Variants in MCFD2 observed in about 807,000 individuals in gnomAD.
MCFD2 encodes multiple coagulation factor deficiency protein 2.
In MCFD2, 11 loss-of-function variants were observed where a neutral mutation model predicts 12.8. The ratio of observed to expected loss-of-function variants is 0.86; its 90% CI spans 0.54 to 1.42. The LOEUF is 1.42. Ranked by LOEUF, MCFD2 falls within the 40% of genes most tolerant of loss-of-function variation. MCFD2 has a pLI of 0.00. For synonymous variants in MCFD2, 70 were observed against 68.1 expected (o/e 1.03, Z -0.14); for missense variants, 191 against 178.6 (o/e 1.07, Z -0.40).
chr2:46,916,155 C>A, upstream of MCFD2: 1 of 985,518 alleles, frequency 1.0e-6, no homozygotes, highest in Non-Finnish European at 1.2e-6. Context: ...TCCGCTCACC[C>A]CCTCCTATAC....
chr2:46,909,899 G>C (rs142550809), intron 1 of MCFD2, among the ~76,000 whole-genome samples: 2 of 152,318 alleles, frequency 1.3e-5, no homozygotes, highest in African/African-American at 4.8e-5. Flanking sequence ...GGTGAGATCA[G>C]AGCTTGGTTT....
At chr2:46,919,926 G>T (rs1401600582), upstream of MCFD2, among the ~76,000 whole-genome samples, 1 of 152,226 alleles carries the variant, frequency 6.6e-6, no homozygotes, top group African/African-American at 2.4e-5. Flanking sequence ...CTGGGATGGG[G>T]CTTTGTATTT....
intron 1 of MCFD2, among the ~76,000 whole-genome samples, chr2:46,922,162 C>T (rs1400579195): frequency 6.6e-6 from 1 of 152,062 alleles, no homozygotes; most frequent in Non-Finnish European, 1.5e-5. Context: ...ACTTTAGTTA[C>T]TTATAGATTC....
chr2:46,935,864 A>ACT (rs1669950472), intron 1 of MCFD2, among the ~76,000 whole-genome samples: 1 of 152,140 alleles, frequency 6.6e-6, no homozygotes, highest in Non-Finnish European at 1.5e-5. Flanking sequence ...CTGAGGTGGG[A>ACT]GGATTGCTAG....
intron 1 of MCFD2, among the ~76,000 whole-genome samples, chr2:46,934,784 GCTC>G (rs1669882243): frequency 1.2e-5 from 1 of 81,922 alleles, no homozygotes; most frequent in African/African-American, 4.6e-5. Flanking sequence ...GAAGACTACT[GCTC>G]TTTTTTTTTT....
chr2:46,941,810 G>A lies in MCFD2; in HGVS notation c.-246C>T, dbSNP rs977098720. On this transcript the variant is annotated 5_prime_UTR_variant, in exon 1 of 3. Transcript: ENST00000409147. The surrounding 1 kb of genome is among the most constrained non-coding windows in gnomAD (Gnocchi z 4.2). Reference sequence around the variant, plus strand: ...CAGGAAGCGCGCCCAGACAGTCCTCGGCCGACAGCGGGCGCCTGCCAGCCC... The same window carrying A: ...CAGGAAGCGCGCCCAGACAGTCCTCAGCCGACAGCGGGCGCCTGCCAGCCC... 3.3e-6 allele frequency: 5 copies of A among 1,506,320 alleles called. No homozygotes were observed. The highest frequency in any genetic ancestry group is 4.5e-6 in the Non-Finnish European group (5 of 1,116,270). The allele number at this position is 1,506,320 out of a possible 1,614,324, so 93.3% of individuals were successfully genotyped here.
rs1224132012 is a variant in MCFD2, at chr2:46,902,106, C to T, written c.*3357G>A. 2.6e-5 allele frequency: 4 copies of T among 152,746 alleles called. No homozygotes were observed. Among genetic ancestry groups the T allele is most frequent in the African/African-American group, 4.8e-5 (2 of 41,564 alleles). The allele number at this position is 152,746 out of a possible 1,614,324, so 9.5% of individuals were successfully genotyped here. ...TAGTCTCTTTTTCCCATTCAATCAT[C>T]GTTTCAGGTTTTCTATTACAGAACG... On this transcript the variant is annotated 3_prime_UTR_variant, in exon 4 of 4. Coordinates refer to ENST00000319466, the MANE Select transcript of MCFD2 (RefSeq NM_139279.6).
rs1224685619 is a variant in MCFD2, at chr2:46,937,434, C to CT, written c.-8+4137dup. On this transcript the variant is annotated intron_variant, in intron 1 of 2. Transcript: ENST00000409147. The surrounding 1 kb of genome is among the most constrained non-coding windows in gnomAD (Gnocchi z 4.0). Reference sequence around the variant, plus strand: ...TTTTAAGCCCTGTTTTCATTTTTAGCTGAAAGCCATTGTAAAAGACTCTTC... The same window carrying CT: ...TTTTAAGCCCTGTTTTCATTTTTAGCTTGAAAGCCATTGTAAAAGACTCTTC... Among the ~76,000 whole-genome samples, 1 of 152,046 alleles carries CT rather than the reference C, an allele frequency of 6.6e-6. No homozygotes were observed. Among genetic ancestry groups the CT allele is most frequent in the Non-Finnish European group, 1.5e-5 (1 of 68,030 alleles).
At chr2:46,919,075 T>A (rs926684011), upstream of MCFD2, among the ~76,000 whole-genome samples, 1 of 152,188 alleles carries the variant, frequency 6.6e-6, no homozygotes, top group Non-Finnish European at 1.5e-5. Flanking sequence ...CTGTTTTGAA[T>A]TGTCTCAAGA....
chr2:46,909,134 C>T lies in MCFD2; in HGVS notation c.38G>A (p.Cys13Tyr), dbSNP rs2103748586. ...MRSLLRTPFL[C>Y]GLLWAFCAPG... The stretch of plus-strand genomic sequence containing the variant: ...GGCACAAAAGGCCCAGAGCAGGCCA[C>T]ACAGGAAGGGGGTTCTGAGCAGGGA... Residue 13 changes from cysteine (C) to tyrosine (Y), a missense_variant, in exon 2 of 4, where the codon TGT (cysteine) becomes TAT (tyrosine). By Grantham distance (194) the Cys-to-Tyr change is radical (BLOSUM62 -2). Transcript: ENST00000319466. 6.2e-7 allele frequency: 1 copy of T among 1,614,164 alleles called. No individual in the cohort carries two copies. The highest frequency in any genetic ancestry group is 2.2e-5 in the East Asian group (1 of 44,886).
At chr2:46,935,375 G>A (rs1041458204) in intron 1 of MCFD2, among the ~76,000 whole-genome samples, 1 of 152,074 alleles carries the variant, frequency 6.6e-6, no homozygotes, top group South Asian at 2.1e-4. Flanking sequence ...TGGAAGAGCT[G>A]CTTTAAAATA....
Position 46,933,649 on chromosome 2 carries a change from T to C in MCFD2, c.-8+7923A>G, listed in dbSNP as rs140817299. ...CAATGATCATGGTAATGAGTAAAAG[T>C]TGATTTCCGAATGTAGCGATCCTGA... On this transcript the variant is annotated intron_variant, in intron 1 of 2. Transcript: ENST00000409147. Among the ~76,000 whole-genome samples, 277 of 152,318 alleles carry C rather than the reference T, an allele frequency of 1.8e-3. 2 individuals carry two copies. Among genetic ancestry groups the C allele is most frequent in the African/African-American group, 6.1e-3 (253 of 41,572 alleles).
At chr2:46,928,046 C>T (rs1174587306) in intron 1 of MCFD2, among the ~76,000 whole-genome samples, 1 of 151,584 alleles carries the variant, frequency 6.6e-6, no homozygotes, top group Non-Finnish European at 1.5e-5. Context: ...CATACACCAC[C>T]ACGCCCAGCT....
chr2:46,931,187 C>T (rs751466810), intron 1 of MCFD2, among the ~76,000 whole-genome samples: 39 of 152,354 alleles, frequency 2.6e-4, no homozygotes, highest in African/African-American at 9.4e-4. Context: ...GCAATCATGG[C>T]TCACTGCAGC....
At chr2:46,916,827 G>T (rs554409609), upstream of MCFD2, among the ~76,000 whole-genome samples, 9 of 152,022 alleles carry the variant, frequency 5.9e-5, no homozygotes, top group Non-Finnish European at 1.0e-4. Flanking sequence ...TAGAGACGGG[G>T]TTTCACCGTG....
In MCFD2 at chr2:46,908,103, A is replaced by G. The variant is rs1328236173; in HGVS notation, c.150-134T>C. 3.3e-6 allele frequency: 3 copies of G among 920,186 alleles called. No individual in the cohort carries two copies. Among genetic ancestry groups the G allele is most frequent in the Admixed American group, 4.0e-5 (2 of 50,310 alleles). 57.0% of individuals were successfully genotyped at this position (920,186 alleles called of 1,614,324 possible). The stretch of plus-strand genomic sequence containing the variant: ...ACAAACACCAGCAGTGGCAGACCAC[A>G]CTCAAGGATTACACAGAGATAGACA... On this transcript the variant is annotated intron_variant, in intron 2 of 3. Transcript: ENST00000319466. This position sits in a 1 kb window ranked among gnomAD's most constrained non-coding sequence, Gnocchi z 4.5.
upstream of MCFD2, chr2:46,915,806 GCCCCGCCC>G: frequency 2.0e-6 from 1 of 512,578 alleles, no homozygotes; most frequent in Non-Finnish European, 2.1e-6. Flanking sequence ...CCTCGGCTTC[GCCCCGCCC>G]CCCCCCCCCC....
intron 1 of MCFD2, among the ~76,000 whole-genome samples, chr2:46,921,787 G>T (rs1669116670): frequency 6.6e-6 from 1 of 152,138 alleles, no homozygotes; most frequent in African/African-American, 2.4e-5. Context: ...TTCTCATAAG[G>T]AGTGTGCAAC....
chr2:46,921,595 T>C (rs1028875023), intron 1 of MCFD2, among the ~76,000 whole-genome samples: 4 of 152,212 alleles, frequency 2.6e-5, no homozygotes, highest in African/African-American at 9.7e-5. Context: ...ATATGCTCAC[T>C]TTAAAGAAAA....
Sources: allele counts gnomAD v4.1 joint callset (sites outside exome capture counted in the v4.1 genomes callset), GRCh38; gene constraint gnomAD v4.1.1; non-coding constraint Gnocchi (gnomAD v3.1); transcripts MANE v1.5; gene names NCBI Gene and HGNC (gene_info 2026-07-23, HGNC 2026-07-21).